Variants in USP47 observed in about 807,000 individuals in gnomAD.
USP47 encodes ubiquitin specific peptidase 47.
Under a neutral mutation model 165.1 loss-of-function variants are expected in USP47, and 35 were observed. That is an observed-to-expected ratio of 0.21 (90% CI 0.16 to 0.28). The LOEUF (loss-of-function observed/expected upper bound fraction) is 0.28, where lower values mean the gene tolerates loss of function less well. USP47 is among the 10% of genes least tolerant of loss of function. The probability of loss-of-function intolerance (pLI) is 1.00; values close to 1 mark genes in which losing one functional copy is unlikely to be tolerated. For synonymous variants in USP47, 531 were observed against 544.5 expected (o/e 0.98, Z 0.35); for missense variants, 1,277 against 1,607.4 (o/e 0.79, Z 3.52).
chr11:11,884,044 A>G (rs1212860970), intron 2 of USP47, among the ~76,000 whole-genome samples: 1 of 152,118 alleles, frequency 6.6e-6, no homozygotes, highest in Non-Finnish European at 1.5e-5. Flanking sequence ...GGTATTTTTC[A>G]TCATATTTAT....
intron 1 of USP47, among the ~76,000 whole-genome samples, chr11:11,866,584 C>G (rs990185488): frequency 6.6e-6 from 1 of 152,178 alleles, no homozygotes; most frequent in Admixed American, 6.5e-5. Context: ...TGTCATCAGT[C>G]TAGGTGGCTA....
chr11:11,899,941 T>A lies in USP47; in HGVS notation c.593+2248T>A, dbSNP rs147473017. Among the ~76,000 whole-genome samples, 264 of 151,902 alleles carry A rather than the reference T, an allele frequency of 1.7e-3. 2 individuals carry two copies. The highest frequency in any genetic ancestry group is 6.1e-3 in the African/African-American group (253 of 41,400). ...GGAAAAGGATAGACTATCCACAGAGTAGCGCTACCATGAAAGGATAGACTA... is the reference window on the plus strand; with the variant it reads ...GGAAAAGGATAGACTATCCACAGAGAAGCGCTACCATGAAAGGATAGACTA... On this transcript the variant is annotated intron_variant, in intron 5 of 27. Transcript: ENST00000527733.
chr11:11,936,246 A>T, intron 16 of USP47, 57 bp from the exon 17 acceptor site: 4 of 865,888 alleles, frequency 4.6e-6, no homozygotes, highest in Non-Finnish European at 6.1e-6. Flanking sequence ...ATATATGTAT[A>T]TATATAAATA....
chr11:11,933,175 C>A, intron 15 of USP47, 59 bp downstream of exon 15: 2 of 1,343,604 alleles, frequency 1.5e-6, no homozygotes, highest in Non-Finnish European at 2.1e-6. Context: ...CGCTTACCTG[C>A]AATTCTAATG....
chr11:11,891,267 C>T (rs564444139), intron 3 of USP47, among the ~76,000 whole-genome samples: 42 of 152,268 alleles, frequency 2.8e-4, no homozygotes, highest in South Asian at 1.0e-3. Flanking sequence ...TGTTTAATGA[C>T]GCTTTGCTCA....
At chr11:11,944,292 C>G (rs1855678091) in intron 20 of USP47, among the ~76,000 whole-genome samples, 1 of 151,520 alleles carries the variant, frequency 6.6e-6, no homozygotes, top group Admixed American at 6.6e-5. Context: ...TGCTATGATG[C>G]TTGTAGTCTC....
chr11:11,891,176 TAAAATGCC>T (rs944266553), intron 3 of USP47, among the ~76,000 whole-genome samples: 1 of 152,158 alleles, frequency 6.6e-6, no homozygotes, highest in African/African-American at 2.4e-5. Flanking sequence ...TTTAAAAAAT[TAAAATGCC>T]AAAAAAAGAT....
chr11:11,898,425 G>T (rs1211373805), intron 5 of USP47, among the ~76,000 whole-genome samples: 1 of 151,666 alleles, frequency 6.6e-6, no homozygotes, highest in East Asian at 1.9e-4. Context: ...ATGTATTTAG[G>T]TTATTTTTGG....
chr11:11,856,050 C>T lies in USP47; in HGVS notation c.39+13826C>T, dbSNP rs536222847. Among the ~76,000 whole-genome samples, 14 of 152,210 alleles carry T rather than the reference C, an allele frequency of 9.2e-5. 1 individual carries two copies. The South Asian group carries it at 2.9e-3, about 32-fold the overall frequency. ...TATGTAGAGAAGGAGGAATAGTGTTCAAAACAAGAAAGTTTGTAGTGCATT... is the reference window on the plus strand; with the variant it reads ...TATGTAGAGAAGGAGGAATAGTGTTTAAAACAAGAAAGTTTGTAGTGCATT... On this transcript the variant is annotated intron_variant, in intron 1 of 27. Coordinates refer to ENST00000527733, the MANE Select transcript of USP47 (RefSeq NM_001282659.2).
chr11:11,942,218 C>A, intron 19 of USP47, 117 bp from the exon 20 acceptor site: 1 of 1,172,140 alleles, frequency 8.5e-7, no homozygotes, highest in Non-Finnish European at 1.2e-6. Context: ...GAAACTATAT[C>A]ATCACACATG....
chr11:11,904,000 G>A lies in USP47; in HGVS notation c.819+658G>A, dbSNP rs570550517. ...CTGATTGGAACTACTGTGATGGCTT[G>A]GACCAGTTTTTCCAAATGTAGATTA... On this transcript the variant is annotated intron_variant, in intron 7 of 27. Transcript: ENST00000527733. Among the ~76,000 whole-genome samples, 77 of 152,174 alleles carry A rather than the reference G, an allele frequency of 5.1e-4. 1 individual carries two copies. Among genetic ancestry groups the A allele is most frequent in the Non-Finnish European group, 2.6e-4 (18 of 67,976 alleles).
intron 1 of USP47, among the ~76,000 whole-genome samples, chr11:11,865,410 C>G (rs956792386): frequency 6.6e-6 from 1 of 151,904 alleles, no homozygotes; most frequent in Non-Finnish European, 1.5e-5. Flanking sequence ...TTCACTGATT[C>G]TTTTGTCATC....
At chr11:11,929,930 A>G (rs1000795325) in intron 12 of USP47, 114 bp from the exon 13 acceptor site, 1 of 842,668 alleles carries the variant, frequency 1.2e-6, no homozygotes, top group Middle Eastern at 3.0e-4. Flanking sequence ...TGTGTGAGCA[A>G]TCATGAAGGT....
Position 11,958,527 on chromosome 11 carries a change from C to G in USP47, c.*2352C>G, listed in dbSNP as rs771862169. ...CGATGTGGATCAAGTTTCCTGAGCC[C>G]GGGGGCGGTGGAGCCTCATGATCTC... On this transcript the variant is annotated 3_prime_UTR_variant, in exon 28 of 28. Coordinates refer to ENST00000527733, the MANE Select transcript of USP47 (RefSeq NM_001282659.2). 6.6e-6 allele frequency: 1 copy of G among 152,122 alleles called. No homozygotes were observed. Among genetic ancestry groups the G allele is most frequent in the Non-Finnish European group, 1.5e-5 (1 of 68,020 alleles). 9.4% of individuals were successfully genotyped at this position (152,122 alleles called of 1,614,324 possible). A position where few individuals can be genotyped will look rare whatever the true frequency, so the allele number is the denominator to read the frequency against.
In USP47 at chr11:11,956,057, A is replaced by G; in HGVS notation, c.3950A>G (p.Lys1317Arg). 3 of 1,602,890 alleles carry G rather than the reference A, an allele frequency of 1.9e-6. No homozygotes were observed. Among genetic ancestry groups the G allele is most frequent in the Non-Finnish European group, 2.5e-6 (3 of 1,176,928 alleles). Residue 1317 changes from lysine to arginine, a missense_variant, in exon 28 of 28, where the codon AAA (lysine) becomes AGA (arginine). Physicochemically the swap from Lys to Arg is conservative, Grantham distance 26. Transcript: ENST00000527733. ...GATGAGCAAAGAAATGAACTGATGA[A>G]AAAAGAAAGCAGTCGACTCCAGAAG... The part of the protein sequence containing the change: ...LTDEQRNELM[K>R]KESSRLQKTG...
At chr11:11,905,362 T>G in intron 7 of USP47, 37 bp from the exon 8 acceptor site, 4 of 1,505,424 alleles carry the variant, frequency 2.7e-6, no homozygotes, top group Non-Finnish European at 2.7e-6. Context: ...AGGTTATTTT[T>G]AAGGAACACT....
chr11:11,917,569 CTG>C (rs1262562945), intron 8 of USP47, among the ~76,000 whole-genome samples: 1 of 127,294 alleles, frequency 7.9e-6, no homozygotes, highest in Non-Finnish European at 1.6e-5. Context: ...AGATCACAGA[CTG>C]TTGTGTGGGT....
intron 25 of USP47, among the ~76,000 whole-genome samples, chr11:11,954,431 G>A (rs182092698): frequency 5.3e-4 from 80 of 152,036 alleles, no homozygotes; most frequent in African/African-American, 1.8e-3. Flanking sequence ...CACCACGCCC[G>A]GCTAATTCTT....
Position 11,961,664 on chromosome 11 carries a change from C to G in USP47, c.*5489C>G, listed in dbSNP as rs1288029482. Reference sequence around the variant, plus strand: ...GTGGATGGAGGGCAGGAGCTCCATTCTTGTTTGCCACTCTCCTTTTGTCAA... The same window carrying G: ...GTGGATGGAGGGCAGGAGCTCCATTGTTGTTTGCCACTCTCCTTTTGTCAA... On this transcript the variant is annotated 3_prime_UTR_variant, in exon 28 of 28. Coordinates refer to ENST00000527733, the MANE Select transcript of USP47 (RefSeq NM_001282659.2). 6.6e-6 allele frequency among the ~76,000 whole-genome samples: 1 copy of G among 152,230 alleles called. No homozygotes were observed. The highest frequency in any genetic ancestry group is 1.5e-5 in the Non-Finnish European group (1 of 68,036).
Sources: allele counts gnomAD v4.1 joint callset (sites outside exome capture counted in the v4.1 genomes callset), GRCh38; gene constraint gnomAD v4.1.1; transcripts MANE v1.5; gene names NCBI Gene and HGNC (gene_info 2026-07-23, HGNC 2026-07-21).